Variants in KYAT1 observed in about 807,000 individuals in gnomAD.
KYAT1 encodes kynurenine aminotransferase 1.
In KYAT1, 47 loss-of-function variants were observed where a neutral mutation model predicts 52.4. That is an observed-to-expected ratio of 0.90 (90% CI 0.71 to 1.14). The LOEUF is 1.14. KYAT1 is among the 50% of genes most tolerant of loss of function. KYAT1 has a pLI of 0.00. For missense variants in KYAT1, 480 were observed against 557.9 expected, an observed-to-expected ratio of 0.86 and a Z score of 1.41; for synonymous variants, 212 against 209.6, an observed-to-expected ratio of 1.01 and a Z score of -0.10.
intron 1 of KYAT1, among the ~76,000 whole-genome samples, chr9:128,873,941 G>A (rs1279245098): frequency 1.2e-3 from 55 of 47,250 alleles, no homozygotes; most frequent in African/African-American, 3.3e-3. Context: ...GCAAATCTCC[G>A]TCTCAAAAAA....
At chr9:128,863,273 G>A (rs759030009) in intron 1 of KYAT1, among the ~76,000 whole-genome samples, 1 of 152,112 alleles carries the variant, frequency 6.6e-6, no homozygotes, top group Non-Finnish European at 1.5e-5. Flanking sequence ...GACCTTGGCA[G>A]TGTGACATGA....
At chr9:128,836,140 G>T in intron 7 of KYAT1, 67 bp from the exon 8 acceptor site, 1 of 1,421,688 alleles carries the variant, frequency 7.0e-7, no homozygotes, top group Non-Finnish European at 9.8e-7. Flanking sequence ...ATGGTGGTCT[G>T]GGCCCCAGGG....
At position 128,833,757 on chromosome 9, in the gene KYAT1, G is replaced by C; in HGVS notation, c.1192C>G (p.Arg398Gly). The C allele has an allele frequency of 6.2e-7, 1 of 1,614,194 alleles. No individual in the cohort carries two copies. Among genetic ancestry groups the C allele is most frequent in the Non-Finnish European group, 8.5e-7 (1 of 1,180,010 alleles). ...CCCTTTACCTTCACAAAACAGAAGC[G>C]GATATAGTGGTCAAAGTGCTTCTGA... ...PHQKHFDHYI[R>G]FCFVKDEATL... Residue 398 changes from arginine to glycine, a missense_variant, in exon 12 of 13, where the codon CGC becomes GGC. Transcript: ENST00000302586.
intron 1 of KYAT1, among the ~76,000 whole-genome samples, chr9:128,849,811 GAA>G (rs1564471376): frequency 3.0e-5 from 1 of 33,482 alleles, no homozygotes; most frequent in Non-Finnish European, 1.6e-4. Flanking sequence ...AAAAAAAAAA[GAA>G]AAGAAAAGAA....
chr9:128,857,345 T>A (rs553866869), intron 1 of KYAT1, among the ~76,000 whole-genome samples: 1 of 152,344 alleles, frequency 6.6e-6, no homozygotes, highest in Non-Finnish European at 1.5e-5. Flanking sequence ...CTTGCCAGTC[T>A]CCTGGGCCCA....
chr9:128,859,536 C>T (rs1425971448), intron 1 of KYAT1, among the ~76,000 whole-genome samples: 1 of 150,226 alleles, frequency 6.7e-6, no homozygotes. Flanking sequence ...GGTGTGGTGG[C>T]GCATGCCTGT....
rs759856900 is a variant in KYAT1 at position 128,833,258 on chromosome 9, G to A, written c.*326C>T. The A allele has an allele frequency of 6.7e-5, 32 of 477,514 alleles. No individual in the cohort carries two copies. The highest frequency in any genetic ancestry group is 1.1e-4 in the Non-Finnish European group (30 of 263,056). The allele number at this position is 477,514 out of a possible 1,614,324, so 29.6% of individuals were successfully genotyped here. Reference sequence around the variant, plus strand: ...CTTAGCAGGGGCCATGCAGAGCTGGGATGTGATCGGTACATGGTGGAAGTC... The same window carrying A: ...CTTAGCAGGGGCCATGCAGAGCTGGAATGTGATCGGTACATGGTGGAAGTC... On this transcript the variant is annotated 3_prime_UTR_variant, in exon 13 of 13. Coordinates refer to ENST00000302586, the MANE Select transcript of KYAT1 (RefSeq NM_004059.5).
At chr9:128,861,713 C>A (rs1230274091) in intron 1 of KYAT1, among the ~76,000 whole-genome samples, 1 of 152,202 alleles carries the variant, frequency 6.6e-6, no homozygotes, top group African/African-American at 2.4e-5. Context: ...CTTGGTGTCA[C>A]CTCAAGGGAG....
chr9:128,877,808 T>C lies in KYAT1; in HGVS notation c.-7+4089A>G, dbSNP rs537960204. ...GAGAGCTATCTGGAGCCTTGAAGGA[T>C]GTTTAGCATCCCTGGGCTTAAAATG... On this transcript the variant is annotated intron_variant, in intron 1 of 12. Transcript: ENST00000302586. 9.2e-5 allele frequency among the ~76,000 whole-genome samples: 14 copies of C among 152,324 alleles called. No individual in the cohort carries two copies. In the South Asian group the frequency reaches 2.9e-3, roughly 32 times the overall value.
At chr9:128,842,503 G>T in intron 3 of KYAT1, 151 bp downstream of exon 3, 1 of 776,102 alleles carries the variant, frequency 1.3e-6, no homozygotes, top group Non-Finnish European at 2.0e-6. Flanking sequence ...AAGGCTCTGG[G>T]ACAGAGGATA....
rs771671479 is a variant in KYAT1, at chr9:128,833,724, C to T, written c.1209+16G>A. The T allele has an allele frequency of 3.7e-6, 6 of 1,613,868 alleles. No homozygotes were observed. The East Asian group carries it at 1.3e-4, about 36-fold the overall frequency. On this transcript the variant is annotated intron_variant, in intron 12 of 12. Transcript: ENST00000302586. The stretch of plus-strand genomic sequence containing the variant: ...AAGCTCTGTGAGGTCTTTCCTCCCC[C>T]AGCCCTGCCCTTTACCTTCACAAAA...
chr9:128,852,782 A>G (rs1332142023), intron 1 of KYAT1, among the ~76,000 whole-genome samples: 2 of 152,248 alleles, frequency 1.3e-5, no homozygotes, highest in Non-Finnish European at 2.9e-5. Context: ...GGCCAACTCT[A>G]GGCATCCCTA....
chr9:128,869,990 G>T (rs929515121), intron 1 of KYAT1, among the ~76,000 whole-genome samples: 18 of 151,982 alleles, frequency 1.2e-4, no homozygotes, highest in African/African-American at 4.3e-4. Context: ...CTGACCTCAG[G>T]TGATCCCCCC....
rs1455948493 is a variant in KYAT1 at position 128,835,395 on chromosome 9, C to T, written c.1050G>A (p.Lys350=). 8 of 1,613,976 alleles carry T rather than the reference C, an allele frequency of 5.0e-6. No individual in the cohort carries two copies. In the South Asian group the frequency reaches 5.5e-5, roughly 11 times the overall value. ...LITDISDFKR[K]MPDLPGAVDE... is the part of the protein sequence containing the mutation. ...CCACAGCTCCAGGCAAGTCAGGCAT[C>T]TTCCTCTCTGGGAGACAGAGGCCAC... Residue 350 remains lysine, a synonymous_variant, in exon 11 of 13, where the codon AAG becomes AAA. Coordinates refer to ENST00000302586, the MANE Select transcript of KYAT1 (RefSeq NM_004059.5).
chr9:128,850,432 C>T (rs1360769928), intron 1 of KYAT1, among the ~76,000 whole-genome samples: 2 of 152,144 alleles, frequency 1.3e-5, no homozygotes, highest in Non-Finnish European at 2.9e-5. Context: ...TTTAAGGGAT[C>T]TAGGGCTGTG....
chr9:128,866,831 A>T (rs1836454467), intron 1 of KYAT1, among the ~76,000 whole-genome samples: 1 of 147,380 alleles, frequency 6.8e-6, no homozygotes, highest in South Asian at 2.2e-4. Context: ...GCTTGAGCCC[A>T]GGAGGCGGAG....
chr9:128,845,118 G>A (rs554155895), intron 2 of KYAT1, among the ~76,000 whole-genome samples: 2 of 152,250 alleles, frequency 1.3e-5, no homozygotes, highest in South Asian at 4.1e-4. Context: ...TGCAGCTGGG[G>A]AGATGAGGCT....
At chr9:128,840,817 A>G (rs1182465594) in intron 3 of KYAT1, 1 of 296,016 alleles carries the variant, frequency 3.4e-6, no homozygotes, top group African/African-American at 2.2e-5. Context: ...CAGACTCCCA[A>G]GTAGCTGGGA....
chr9:128,842,842 A>T (rs760985994), intron 2 of KYAT1, 41 bp from the exon 3 acceptor site: 2 of 1,593,086 alleles, frequency 1.3e-6, no homozygotes, highest in Non-Finnish European at 1.7e-6. Flanking sequence ...CCAGCCCTCC[A>T]TGGTGACCTG....
Sources: allele counts gnomAD v4.1 joint callset (sites outside exome capture counted in the v4.1 genomes callset), GRCh38; gene constraint gnomAD v4.1.1; transcripts MANE v1.5; gene names NCBI Gene and HGNC (gene_info 2026-07-23, HGNC 2026-07-21).